ARMH3: variants seen among roughly 807,000 people sequenced by gnomAD.
ARMH3 encodes the protein armadillo-like helical domain-containing protein 3.
A neutral mutation model predicts 99.1 loss-of-function variants in ARMH3; 60 were observed. The ratio of observed to expected loss-of-function variants is 0.61; its 90% CI spans 0.49 to 0.75. The LOEUF (loss-of-function observed/expected upper bound fraction) is 0.75. ARMH3 is among the 30% of genes least tolerant of loss of function. The pLI is 0.00. For synonymous variants in ARMH3, 285 were observed against 292.8 expected (o/e 0.97, Z 0.27); for missense variants, 679 against 843.1 (o/e 0.81, Z 2.41).
At chr10:101,975,883 G>A (rs1333451473) in intron 19 of ARMH3, among the ~76,000 whole-genome samples, 2 of 150,000 alleles carry the variant, frequency 1.3e-5, no homozygotes, top group African/African-American at 2.4e-5. Flanking sequence ...GGCTGGGCAC[G>A]GTGGCTCACG....
chr10:101,959,927 T>C (rs1845204821), intron 20 of ARMH3, among the ~76,000 whole-genome samples: 2 of 152,138 alleles, frequency 1.3e-5, no homozygotes, highest in African/African-American at 4.8e-5. Context: ...CCTGTAATCC[T>C]AGCACTTTGG....
chr10:101,957,753 ACATC>A, intron 20 of ARMH3, 21 bp from the exon 21 acceptor site: 1 of 1,397,886 alleles, frequency 7.2e-7, no homozygotes. Flanking sequence ...AAAAAAAAAG[ACATC>A]AACAAGCTAT....
intron 24 of ARMH3, among the ~76,000 whole-genome samples, chr10:101,874,423 G>C (rs576822414): frequency 2.0e-5 from 3 of 152,190 alleles, no homozygotes; most frequent in African/African-American, 7.2e-5. Flanking sequence ...TCTAAGCTAG[G>C]AGTTAGTATT....
intron 1 of ARMH3, among the ~76,000 whole-genome samples, chr10:102,051,244 C>A (rs1232139865): frequency 6.6e-6 from 1 of 151,438 alleles, no homozygotes; most frequent in African/African-American, 2.4e-5. Context: ...AGGCCAAGGC[C>A]GGCGGATCAT....
At position 102,010,337 on chromosome 10, in the gene ARMH3, G is replaced by T. The variant is rs529163871; in HGVS notation, c.832-314C>A. Among the ~76,000 whole-genome samples the T allele has an allele frequency of 2.0e-4, 31 of 152,262 alleles. No individual in the cohort carries two copies. The South Asian group carries it at 6.4e-3, about 32-fold the overall frequency. ...CTCTCCTTTTCAGTGTGTAAGTTTAGTCCCTCTGACAGTTAACCTACACAT... is the reference window on the plus strand; with the variant it reads ...CTCTCCTTTTCAGTGTGTAAGTTTATTCCCTCTGACAGTTAACCTACACAT... On this transcript the variant is annotated intron_variant, in intron 11 of 25. Transcript: ENST00000370033.
chr10:102,024,783 C>CA (rs2066963815), intron 6 of ARMH3, among the ~76,000 whole-genome samples: 2 of 151,132 alleles, frequency 1.3e-5, no homozygotes, highest in African/African-American at 4.9e-5. Flanking sequence ...CACGCCATTG[C>CA]ACTCCAGCCT....
intron 24 of ARMH3, among the ~76,000 whole-genome samples, chr10:101,863,605 CT>C (rs1252326307): frequency 6.6e-6 from 1 of 152,010 alleles, no homozygotes; most frequent in Non-Finnish European, 1.5e-5. Flanking sequence ...TTTGAAAAAT[CT>C]CGCAAATTGT....
intron 23 of ARMH3, among the ~76,000 whole-genome samples, chr10:101,903,838 G>T (rs2068036651): frequency 6.6e-6 from 1 of 152,330 alleles, no homozygotes; most frequent in African/African-American, 2.4e-5. Flanking sequence ...ACCTCTGCCT[G>T]TTGGGGTCCT....
rs35926257 is a variant in ARMH3 at position 101,985,078 on chromosome 10, TACACACACAC to T, written c.1406+5463_1406+5472del. Among the ~76,000 whole-genome samples the T allele has an allele frequency of 2.0e-3, 269 of 136,224 alleles. 1 individual carries two copies. The highest frequency in any genetic ancestry group is 7.0e-3 in the African/African-American group (255 of 36,626). 89.4% of individuals were successfully genotyped at this position (136,224 alleles called of 152,430 possible). A position where few individuals can be genotyped will look rare whatever the true frequency, so the allele number is the denominator to read the frequency against. On this transcript the variant is annotated intron_variant, in intron 19 of 25. Transcript: ENST00000370033. The stretch of plus-strand genomic sequence containing the variant: ...AAGAGACTCCATCTAAAAATATATA[TACACACACAC>T]ACACACACACACACACACACACACG...
intron 2 of ARMH3, among the ~76,000 whole-genome samples, chr10:102,035,483 C>T (rs1290568496): frequency 1.4e-4 from 21 of 152,238 alleles, no homozygotes; most frequent in Admixed American, 6.5e-5. Flanking sequence ...GCTGCCATCT[C>T]GGCTCACTGC....
chr10:102,021,002 GT>G (rs1287011631), intron 8 of ARMH3, among the ~76,000 whole-genome samples: 3 of 152,148 alleles, frequency 2.0e-5, no homozygotes, highest in African/African-American at 7.2e-5. Flanking sequence ...TTTTTTTACA[GT>G]TTTTTTCATG....
At chr10:101,921,626 CACATGATGGAATACT>C (rs935124870) in intron 23 of ARMH3, among the ~76,000 whole-genome samples, 11 of 152,106 alleles carry the variant, frequency 7.2e-5, no homozygotes, top group African/African-American at 2.7e-4. Context: ...GTGGTATATA[CACATGATGGAATACT>C]ATTTGGCCAT....
rs545341385 is a variant in ARMH3 at position 102,023,342 on chromosome 10, G to A, written c.669+135C>T. ...CCATGCATTTAATATAGGATTTTTAGAATCTGGATTATCAAAATTAATCAA... is the reference window on the plus strand; with the variant it reads ...CCATGCATTTAATATAGGATTTTTAAAATCTGGATTATCAAAATTAATCAA... On this transcript the variant is annotated intron_variant, in intron 8 of 25. Transcript: ENST00000370033. 1.5e-4 allele frequency: 120 copies of A among 785,586 alleles called. No homozygotes were observed. In the East Asian group the frequency reaches 3.0e-3, roughly 20 times the overall value. The allele number at this position is 785,586 out of a possible 1,614,324, so 48.7% of individuals were successfully genotyped here. A position where few individuals can be genotyped will look rare whatever the true frequency, so the allele number is the denominator to read the frequency against.
intron 22 of ARMH3, chr10:101,952,596 C>T (rs1844841885): frequency 6.6e-6 from 1 of 152,074 alleles, no homozygotes; most frequent in South Asian, 2.1e-4. Context: ...CGCTTAACCA[C>T]TTTTTTAAAA....
In ARMH3 at chr10:101,939,899, G is replaced by C. The variant is rs1248630516; in HGVS notation, c.1745C>G (p.Ala582Gly). ...LSTNAGQWKE[A>G]ASKVTHALVN... ...CAATGCATGGGTCACCTTGCTAGCT[G>C]CTTCCTTCCACTGGCCTGCATTGGT... is the stretch of plus-strand genomic sequence containing the variant. Residue 582 changes from alanine (A) to glycine (G), a missense_variant, in exon 23 of 26, where the codon GCA (alanine) becomes GGA (glycine). Physicochemically the swap from Ala to Gly is moderately conservative, Grantham distance 60. Around this residue, in one of 3 missense-constraint regions of ARMH3, gnomAD observed 389 missense variants for 456.5 expected, o/e 0.85. Coordinates refer to ENST00000370033, the MANE Select transcript of ARMH3 (RefSeq NM_024541.3). 21 of 1,613,578 alleles carry C rather than the reference G, an allele frequency of 1.3e-5. No homozygotes were observed. Among genetic ancestry groups the C allele is most frequent in the Non-Finnish European group, 1.5e-5 (18 of 1,179,944 alleles).
intron 24 of ARMH3, among the ~76,000 whole-genome samples, chr10:101,870,380 C>T (rs557224130): frequency 1.3e-5 from 2 of 152,092 alleles, no homozygotes; most frequent in African/African-American, 4.8e-5. Flanking sequence ...ATGTTTTCCA[C>T]AGAAGTATAC....
intron 19 of ARMH3, among the ~76,000 whole-genome samples, chr10:101,983,411 A>C (rs1036557731): frequency 2.0e-5 from 3 of 152,142 alleles, no homozygotes; most frequent in African/African-American, 7.2e-5. Context: ...CCTCCCAAGT[A>C]GCTGGGACTA....
At position 101,939,908 on chromosome 10, in the gene ARMH3, C is replaced by CA. The variant is rs748895866; in HGVS notation, c.1735dup (p.Trp579LeufsTer6). On this transcript the variant is annotated frameshift_variant, in exon 23 of 26. Coordinates refer to ENST00000370033, the MANE Select transcript of ARMH3 (RefSeq NM_024541.3). LOFTEE classifies it high-confidence loss of function. ...GGTCACCTTGCTAGCTGCTTCCTTC[C>CA]ACTGGCCTGCATTGGTAGAAAGCCT... 2 of 1,613,792 alleles carry CA rather than the reference C, an allele frequency of 1.2e-6. No individual in the cohort carries two copies. The highest frequency in any genetic ancestry group is 1.7e-6 in the Non-Finnish European group (2 of 1,179,964).
At chr10:101,878,262 A>C (rs2067318062) in intron 24 of ARMH3, among the ~76,000 whole-genome samples, 1 of 152,204 alleles carries the variant, frequency 6.6e-6, no homozygotes, top group African/African-American at 2.4e-5. Context: ...TGTTTCAAAA[A>C]TAAATAAATA....
Sources: gnomAD v4.1 joint callset for allele counts (sites outside exome capture counted in the v4.1 genomes callset) on GRCh38, gnomAD v4.1.1 for gene constraint, gnomAD v4.1.1 regional missense constraint, MANE v1.5 for transcripts, NCBI Gene and HGNC (gene_info 2026-07-23, HGNC 2026-07-21) for gene names.